Variants in UMAD1 observed in about 807,000 individuals in gnomAD.
The protein encoded by UMAD1 is UBAP1-MVB12-associated (UMA)-domain containing protein 1.
Under a neutral mutation model 6.1 loss-of-function variants are expected in UMAD1, and 8 were observed. The observed-to-expected ratio is 1.30, with a 90% CI of 0.76 to 2.35. The LOEUF is 2.35. Among genes scored for constraint, UMAD1 ranks in the 30% most tolerant of loss-of-function variants. UMAD1 has a pLI of 0.00. For missense variants in UMAD1, 130 were observed against 78.4 expected (o/e 1.66, Z -2.49); for synonymous variants, 56 against 31.4 (o/e 1.78, Z -2.61).
intron 2 of UMAD1, among the ~76,000 whole-genome samples, chr7:7,778,153 G>A (rs750300804): frequency 5.9e-5 from 9 of 151,780 alleles, no homozygotes; most frequent in Non-Finnish European, 1.2e-4. Flanking sequence ...TTGTACATAT[G>A]ACAAATAGGT....
At chr7:7,672,343 G>A (rs1563106816) in intron 1 of UMAD1, among the ~76,000 whole-genome samples, 1 of 152,158 alleles carries the variant, frequency 6.6e-6, no homozygotes, top group Non-Finnish European at 1.5e-5. Context: ...TAGGAAAAGA[G>A]GGTTGTGTAT....
At chr7:7,650,279 A>G (rs1244205033) in intron 1 of UMAD1, among the ~76,000 whole-genome samples, 1 of 152,102 alleles carries the variant, frequency 6.6e-6, no homozygotes, top group Non-Finnish European at 1.5e-5. Context: ...CCATATATTT[A>G]TCATTTTCTT....
intron 3 of UMAD1, among the ~76,000 whole-genome samples, chr7:7,856,550 T>G (rs1281993519): frequency 6.6e-6 from 1 of 152,220 alleles, no homozygotes; most frequent in Admixed American, 6.5e-5. Context: ...CAATTCAAGA[T>G]GAGATTTTGG....
intron 2 of UMAD1, among the ~76,000 whole-genome samples, chr7:7,796,705 T>G (rs1782691206): frequency 6.6e-6 from 1 of 152,210 alleles, no homozygotes; most frequent in South Asian, 2.1e-4. Context: ...AAGCAGATCC[T>G]GGATTCTAGT....
intron 2 of UMAD1, among the ~76,000 whole-genome samples, chr7:7,747,480 C>T (rs1781594426): frequency 6.6e-6 from 1 of 152,178 alleles, no homozygotes; most frequent in Non-Finnish European, 1.5e-5. Context: ...GTCAAGGTCA[C>T]AGAGTAGTAG....
intron 2 of UMAD1, among the ~76,000 whole-genome samples, chr7:7,723,757 C>T (rs1038392175): frequency 6.6e-6 from 1 of 152,164 alleles, no homozygotes; most frequent in African/African-American, 2.4e-5. Context: ...AGTGGTGGCA[C>T]TCAGCCGTCA....
chr7:7,782,220 G>T (rs1782359070), intron 2 of UMAD1, among the ~76,000 whole-genome samples: 1 of 149,322 alleles, frequency 6.7e-6, no homozygotes, highest in South Asian at 2.1e-4. Context: ...AAATACTAAT[G>T]GAAAATAAAC....
At chr7:7,796,770 A>G (rs1294075845) in intron 2 of UMAD1, among the ~76,000 whole-genome samples, 1 of 152,134 alleles carries the variant, frequency 6.6e-6, no homozygotes, top group African/African-American at 2.4e-5. Flanking sequence ...CAAATCAGCA[A>G]GAGAATACCG....
chr7:7,793,177 T>C (rs1782603052), intron 2 of UMAD1, among the ~76,000 whole-genome samples: 1 of 152,236 alleles, frequency 6.6e-6, no homozygotes, highest in Non-Finnish European at 1.5e-5. Context: ...GTGTCTAATA[T>C]GTTTTCCCAT....
chr7:7,752,363 C>G (rs1227712749), intron 2 of UMAD1, among the ~76,000 whole-genome samples: 5 of 152,000 alleles, frequency 3.3e-5, no homozygotes, highest in Non-Finnish European at 7.4e-5. Flanking sequence ...GATTTAACCA[C>G]AAAATACGTA....
intron 1 of UMAD1, among the ~76,000 whole-genome samples, chr7:7,642,788 A>G (rs966747744): frequency 2.0e-5 from 3 of 152,162 alleles, no homozygotes; most frequent in African/African-American, 4.8e-5. Context: ...CACTTCCCCA[A>G]TGAAGCCCTC....
At position 7,705,410 on chromosome 7, in the gene UMAD1, G is replaced by A. The variant is rs551788181; in HGVS notation, c.82+31957G>A. ...TTACATGTTCTAAAAATGTAAGCAC[G>A]ATAAAATAACTATGTAGGTTTAAGT... On this transcript the variant is annotated intron_variant, in intron 2 of 3. Coordinates refer to ENST00000682710, the MANE Select transcript of UMAD1 (RefSeq NM_001302348.2). Among the ~76,000 whole-genome samples, 11 of 152,278 alleles carry A rather than the reference G, an allele frequency of 7.2e-5. 1 individual carries two copies. The highest frequency in any genetic ancestry group is 2.6e-4 in the African/African-American group (11 of 41,574).
chr7:7,824,190 A>T (rs1294343293), intron 3 of UMAD1, among the ~76,000 whole-genome samples: 8 of 152,070 alleles, frequency 5.3e-5, no homozygotes, highest in Admixed American at 3.9e-4. Context: ...ATTATTACTA[A>T]GGCTTCCCAG....
chr7:7,750,141 C>G (rs1781650078), intron 2 of UMAD1, among the ~76,000 whole-genome samples: 1 of 152,156 alleles, frequency 6.6e-6, no homozygotes, highest in African/African-American at 2.4e-5. Flanking sequence ...GTATCTTCTA[C>G]TACATATTAG....
intron 2 of UMAD1, among the ~76,000 whole-genome samples, chr7:7,744,583 A>G (rs1455656055): frequency 6.7e-6 from 1 of 149,796 alleles, no homozygotes; most frequent in Non-Finnish European, 1.5e-5. Context: ...TGGTAACACT[A>G]ATTGTTACTG....
chr7:7,753,906 C>T (rs998201645), intron 2 of UMAD1, among the ~76,000 whole-genome samples: 14 of 152,084 alleles, frequency 9.2e-5, no homozygotes, highest in Non-Finnish European at 1.5e-4. Flanking sequence ...TGTACGGGCC[C>T]GGTGTGGTGG....
chr7:7,755,393 A>G (rs1269016712), intron 2 of UMAD1, among the ~76,000 whole-genome samples: 2 of 152,338 alleles, frequency 1.3e-5, no homozygotes, highest in Admixed American at 6.5e-5. Flanking sequence ...CTCATTTACA[A>G]GAGGAAATGG....
chr7:7,649,175 A>G (rs12702630), intron 1 of UMAD1, among the ~76,000 whole-genome samples: 15,266 of 104,310 alleles, frequency 0.15, 1,184 homozygotes, highest in Non-Finnish European at 0.2. Context: ...AAAAAAAAAA[A>G]AAAAGAAAAG....
At chr7:7,685,400 C>G (rs1437697737) in intron 2 of UMAD1, among the ~76,000 whole-genome samples, 2 of 151,382 alleles carry the variant, frequency 1.3e-5, no homozygotes, top group Non-Finnish European at 2.9e-5. Flanking sequence ...ACCTCTGCCT[C>G]ATGGGTTCAA....
Sources: allele counts gnomAD v4.1 joint callset (sites outside exome capture counted in the v4.1 genomes callset), GRCh38; gene constraint gnomAD v4.1.1; transcripts MANE v1.5; gene names NCBI Gene and HGNC (gene_info 2026-07-23, HGNC 2026-07-21).